The following TNFAIP8 variants were observed in gnomAD, a reference collection of about 807,000 sequenced individuals.
TNFAIP8 encodes TNF alpha induced protein 8.
Under a neutral mutation model 13.3 loss-of-function variants are expected in TNFAIP8, and 7 were observed. That is an observed-to-expected ratio of 0.52 (90% CI 0.30 to 0.99). The LOEUF (loss-of-function observed/expected upper bound fraction) is 0.99, where lower values mean the gene tolerates loss of function less well. Among genes scored for constraint, TNFAIP8 ranks in the 50% least tolerant of loss-of-function variants. The pLI, the probability that TNFAIP8 is intolerant of heterozygous loss-of-function variation, is 0.07. For missense variants in TNFAIP8, 258 were observed against 236.9 expected, an observed-to-expected ratio of 1.09 and a Z score of -0.58; for synonymous variants, 94 against 87.6, an observed-to-expected ratio of 1.07 and a Z score of -0.41.
At position 119,388,430 on chromosome 5, in the gene TNFAIP8, G is replaced by C. The variant is rs75825852; in HGVS notation, c.32-4386G>C. 4.0e-4 allele frequency among the ~76,000 whole-genome samples: 61 copies of C among 152,310 alleles called. No homozygotes were observed. The East Asian group carries it at 9.1e-3, about 23-fold the overall frequency. ...ATTTGAGTATATTGTGGATGAGATA[G>C]GGGAAATTGATTGCTGCTTCTGGAC... On this transcript the variant is annotated intron_variant, in intron 1 of 1. Coordinates refer to ENST00000504771, the MANE Select transcript of TNFAIP8 (RefSeq NM_014350.4).
At chr5:119,304,627 C>T (rs1335932363) in intron 1 of TNFAIP8, among the ~76,000 whole-genome samples, 3 of 152,220 alleles carry the variant, frequency 2.0e-5, no homozygotes, top group Non-Finnish European at 4.4e-5. Flanking sequence ...GAATGTTGTG[C>T]AAAGACCACG....
chr5:119,309,951 TA>T (rs1749680026), intron 1 of TNFAIP8, among the ~76,000 whole-genome samples: 1 of 152,152 alleles, frequency 6.6e-6, no homozygotes, highest in South Asian at 2.1e-4. Flanking sequence ...TGGGAAGAAA[TA>T]AAACCAGACA....
chr5:119,314,207 A>C lies in TNFAIP8; in HGVS notation c.1+45300A>C, dbSNP rs75532459. ...CAAACAAACAAACAAACAAACAAAA[A>C]AACCATGTCTGTCGTCTGTTTTGTT... is the stretch of plus-strand genomic sequence containing the variant. On this transcript the variant is annotated intron_variant, in intron 1 of 1. Coordinates refer to the TNFAIP8 transcript ENST00000274456. 9.8e-3 allele frequency among the ~76,000 whole-genome samples: 1,423 copies of C among 145,548 alleles called. 14 individuals are homozygous for C. Among genetic ancestry groups the C allele is most frequent in the African/African-American group, 0.033 (1,341 of 40,190 alleles).
intron 1 of TNFAIP8, among the ~76,000 whole-genome samples, chr5:119,297,355 T>C (rs375270251): frequency 1.3e-5 from 2 of 152,264 alleles, no homozygotes; most frequent in South Asian, 2.1e-4. Context: ...GCCTTCATTT[T>C]GTTATGTACC....
intron 1 of TNFAIP8, among the ~76,000 whole-genome samples, chr5:119,296,753 T>G (rs958226875): frequency 6.6e-6 from 1 of 152,150 alleles, no homozygotes; most frequent in Non-Finnish European, 1.5e-5. Context: ...ATCCATCTGG[T>G]CCTGGACTCT....
chr5:119,270,479 C>G (rs926568765), intron 1 of TNFAIP8, among the ~76,000 whole-genome samples: 2 of 150,592 alleles, frequency 1.3e-5, no homozygotes, highest in Non-Finnish European at 2.9e-5. Context: ...CCAAGGTGGT[C>G]TTGAACTCCT....
At chr5:119,317,674 C>G (rs1238772545) in intron 1 of TNFAIP8, among the ~76,000 whole-genome samples, 1 of 151,846 alleles carries the variant, frequency 6.6e-6, no homozygotes, top group Non-Finnish European at 1.5e-5. Context: ...TTTCGGCTCA[C>G]TGCAACCTCC....
chr5:119,396,511 T>G lies in TNFAIP8; in HGVS notation c.*3130T>G, dbSNP rs1004335066. The G allele has an allele frequency of 6.6e-6, 1 of 152,182 alleles. No individual in the cohort carries two copies. Among genetic ancestry groups the G allele is most frequent in the African/African-American group, 2.4e-5 (1 of 41,434 alleles). The allele number at this position is 152,182 out of a possible 1,614,324, so 9.4% of individuals were successfully genotyped here. ...TCAGAGCATGACAAGGCACTCAATG[T>G]GCATTCACCAAGAGAAGCAAGGAAG... On this transcript the variant is annotated 3_prime_UTR_variant, in exon 2 of 2. Coordinates refer to ENST00000504771, the MANE Select transcript of TNFAIP8 (RefSeq NM_014350.4).
chr5:119,332,882 C>T (rs1426915810), intron 1 of TNFAIP8, among the ~76,000 whole-genome samples: 2 of 152,170 alleles, frequency 1.3e-5, no homozygotes, highest in South Asian at 2.1e-4. Flanking sequence ...CTCACACTTA[C>T]ATTCATTATG....
intron 1 of TNFAIP8, among the ~76,000 whole-genome samples, chr5:119,273,292 G>A (rs1748343933): frequency 6.6e-6 from 1 of 152,220 alleles, no homozygotes; most frequent in African/African-American, 2.4e-5. Context: ...AGTTAGATTG[G>A]CCAAATAGGT....
At chr5:119,274,233 T>C (rs2150799692) in intron 1 of TNFAIP8, among the ~76,000 whole-genome samples, 1 of 152,298 alleles carries the variant, frequency 6.6e-6, no homozygotes, top group Non-Finnish European at 1.5e-5. Context: ...ATGGACAGTG[T>C]TGGCAACAGT....
intron 1 of TNFAIP8, among the ~76,000 whole-genome samples, chr5:119,284,086 C>T (rs1748709126): frequency 6.6e-6 from 1 of 152,182 alleles, no homozygotes; most frequent in Admixed American, 6.5e-5. Context: ...TTGCCACATT[C>T]TTCAATGGCA....
chr5:119,272,195 T>C (rs957226341), intron 1 of TNFAIP8, among the ~76,000 whole-genome samples: 5 of 152,224 alleles, frequency 3.3e-5, no homozygotes, highest in African/African-American at 1.2e-4. Flanking sequence ...GGAAACCACC[T>C]GGTCTATGGC....
At chr5:119,275,855 G>A (rs1308082479) in intron 1 of TNFAIP8, among the ~76,000 whole-genome samples, 4 of 151,970 alleles carry the variant, frequency 2.6e-5, no homozygotes, top group African/African-American at 9.7e-5. Flanking sequence ...TATTTGAACA[G>A]AGAATAACAG....
chr5:119,306,373 G>A (rs1258228253), intron 1 of TNFAIP8: 1 of 143,396 alleles, frequency 7.0e-6, no homozygotes, highest in African/African-American at 2.7e-5. Context: ...TTCCCAAACT[G>A]GAGAGCAGTG....
rs1749045019 is a variant in TNFAIP8 at position 119,292,967 on chromosome 5, T to C, written c.1+24060T>C. Among the ~76,000 whole-genome samples the C allele has an allele frequency of 2.0e-5, 3 of 151,952 alleles. No individual in the cohort carries two copies. In the South Asian group the frequency reaches 6.2e-4, roughly 31 times the overall value. The stretch of plus-strand genomic sequence containing the variant: ...CTTCTTCTTTTTTTTAAAAAAATAG[T>C]ATTTATCTTTATCTGTCTGACTTTT... On this transcript the variant is annotated intron_variant, in intron 1 of 1. Coordinates refer to the TNFAIP8 transcript ENST00000274456.
At chr5:119,334,953 A>G (rs1750505499) in intron 1 of TNFAIP8, among the ~76,000 whole-genome samples, 1 of 152,166 alleles carries the variant, frequency 6.6e-6, no homozygotes, top group Non-Finnish European at 1.5e-5. Context: ...GGCTGGAGTG[A>G]TTAAGTCATA....
chr5:119,389,350 G>A (rs994075766), intron 1 of TNFAIP8, among the ~76,000 whole-genome samples: 2 of 152,138 alleles, frequency 1.3e-5, no homozygotes, highest in African/African-American at 4.8e-5. Context: ...CTGAGTTATG[G>A]CTATGGGAGT....
At chr5:119,312,745 CAAAAAAAA>C in intron 1 of TNFAIP8, among the ~76,000 whole-genome samples, 1 of 43,356 alleles carries the variant, frequency 2.3e-5, no homozygotes, top group East Asian at 5.5e-4. Flanking sequence ...GCAAAAAATA[CAAAAAAAA>C]AAAAAAAAAA....
Sources: allele counts gnomAD v4.1 joint callset (sites outside exome capture counted in the v4.1 genomes callset), GRCh38; gene constraint gnomAD v4.1.1; transcripts MANE v1.5; gene names NCBI Gene and HGNC (gene_info 2026-07-23, HGNC 2026-07-21).